Variants in PLPP1 observed in about 807,000 individuals in gnomAD.
The protein encoded by PLPP1 is phospholipid phosphatase 1, also known as lipid phosphate phosphohydrolase 1a.
A neutral mutation model predicts 31.2 loss-of-function variants in PLPP1; 24 were observed. That is an observed-to-expected ratio of 0.77 (90% confidence interval 0.56 to 1.08). PLPP1 has a LOEUF of 1.08. Ranked by LOEUF, PLPP1 falls within the 50% of genes least tolerant of loss-of-function variation. The pLI is 0.00. For synonymous variants in PLPP1, 146 were observed against 126.3 expected, an observed-to-expected ratio of 1.16 and a Z score of -1.05; for missense variants, 319 against 342.7, an observed-to-expected ratio of 0.93 and a Z score of 0.55.
chr5:55,434,984 T>C (rs974928544), intron 4 of PLPP1, among the ~76,000 whole-genome samples: 4 of 152,152 alleles, frequency 2.6e-5, no homozygotes, highest in Non-Finnish European at 5.9e-5. Flanking sequence ...GGAGAAAATA[T>C]TTGCCAAGTA....
At chr5:55,514,303 T>C (rs940674227) in intron 1 of PLPP1, among the ~76,000 whole-genome samples, 8 of 152,080 alleles carry the variant, frequency 5.3e-5, no homozygotes, top group East Asian at 1.9e-4. Flanking sequence ...GAGGATCAAA[T>C]TGAGCCCTGG....
intron 1 of PLPP1, among the ~76,000 whole-genome samples, chr5:55,511,803 G>A (rs1753419293): frequency 6.6e-6 from 1 of 150,866 alleles, no homozygotes; most frequent in Non-Finnish European, 1.5e-5. Context: ...AGCTGGGACT[G>A]CAGGCGCCGG....
At chr5:55,444,590 T>G (rs1751708024) in intron 3 of PLPP1, among the ~76,000 whole-genome samples, 1 of 152,160 alleles carries the variant, frequency 6.6e-6, no homozygotes, top group African/African-American at 2.4e-5. Flanking sequence ...TACGAAAATC[T>G]TCTCAGGAAG....
chr5:55,519,451 A>T (rs1753617611), intron 1 of PLPP1, among the ~76,000 whole-genome samples: 1 of 152,196 alleles, frequency 6.6e-6, no homozygotes, highest in African/African-American at 2.4e-5. Context: ...TTTTTTAAAA[A>T]TTTTAAGAAA....
intron 1 of PLPP1, among the ~76,000 whole-genome samples, chr5:55,483,189 A>C (rs1752705228): frequency 6.6e-6 from 1 of 152,178 alleles, no homozygotes; most frequent in African/African-American, 2.4e-5. Flanking sequence ...ATTTCTTAAA[A>C]AGTCGTATTT....
At chr5:55,452,623 G>A (rs1373327794) in intron 3 of PLPP1, among the ~76,000 whole-genome samples, 1 of 151,954 alleles carries the variant, frequency 6.6e-6, no homozygotes, top group African/African-American at 2.4e-5. Flanking sequence ...ACCTCTCTTT[G>A]GTAATTATTA....
At chr5:55,425,766 T>G in intron 5 of PLPP1, 97 bp downstream of exon 5, 1 of 1,195,408 alleles carries the variant, frequency 8.4e-7, no homozygotes, top group Non-Finnish European at 1.2e-6. Context: ...CTGCATAGTC[T>G]TCTCCTCAGC....
chr5:55,467,749 T>C (rs1752335377), intron 3 of PLPP1, 120 bp downstream of exon 3: 5 of 1,097,382 alleles, frequency 4.6e-6, no homozygotes, highest in Non-Finnish European at 6.5e-6. Flanking sequence ...AGATCAAAAT[T>C]CACCTCCCAG....
In PLPP1 at chr5:55,463,058, C is replaced by T. The variant is rs138484352; in HGVS notation, c.491+4811G>A. ...CAGGGACACGCATGAAGCTGGAAAC[C>T]ATCATTCTCAGCAAACTAACACAGG... On this transcript the variant is annotated intron_variant, in intron 3 of 5. Transcript: ENST00000307259. Among the ~76,000 whole-genome samples, 1,092 of 152,148 alleles carry T rather than the reference C, an allele frequency of 7.2e-3. 4 individuals are homozygous for T. The highest frequency in any genetic ancestry group is 0.011 in the Non-Finnish European group (752 of 67,992).
chr5:55,425,091 G>T lies in PLPP1; in HGVS notation c.*115C>A. Reference sequence around the variant, plus strand: ...AAGTGTGCATCCAAGAGGCATAGCAGCAGCAGAAGTCTTTAAAGGCTTGTA... The same window carrying T: ...AAGTGTGCATCCAAGAGGCATAGCATCAGCAGAAGTCTTTAAAGGCTTGTA... On this transcript the variant is annotated 3_prime_UTR_variant, in exon 6 of 6. Coordinates refer to ENST00000307259, the MANE Select transcript of PLPP1 (RefSeq NM_003711.4). 1 of 1,338,586 alleles carries T rather than the reference G, an allele frequency of 7.5e-7. No homozygotes were observed. 82.9% of individuals were successfully genotyped at this position (1,338,586 alleles called of 1,614,324 possible).
At chr5:55,438,358 T>C (rs1419126747) in intron 4 of PLPP1, among the ~76,000 whole-genome samples, 1 of 152,194 alleles carries the variant, frequency 6.6e-6, no homozygotes, top group Non-Finnish European at 1.5e-5. Flanking sequence ...CACAGTTAAG[T>C]GTGCAGGGCT....
At chr5:55,445,765 A>G (rs929153967) in intron 3 of PLPP1, among the ~76,000 whole-genome samples, 1 of 151,762 alleles carries the variant, frequency 6.6e-6, no homozygotes, top group Admixed American at 6.6e-5. Flanking sequence ...GGCTGGCCTC[A>G]AACTCCTGAC....
chr5:55,462,624 T>C (rs1463483867), intron 3 of PLPP1, among the ~76,000 whole-genome samples: 1 of 152,290 alleles, frequency 6.6e-6, no homozygotes, highest in South Asian at 2.1e-4. Flanking sequence ...AAAAAAATGA[T>C]AAATTAGATT....
At chr5:55,449,207 C>A (rs1398249823) in intron 3 of PLPP1, among the ~76,000 whole-genome samples, 1 of 152,022 alleles carries the variant, frequency 6.6e-6, no homozygotes, top group Non-Finnish European at 1.5e-5. Flanking sequence ...ATTTCACATT[C>A]AATATAAAAA....
intron 1 of PLPP1, among the ~76,000 whole-genome samples, chr5:55,497,921 T>A (rs188415289): frequency 6.6e-6 from 1 of 152,048 alleles, no homozygotes; most frequent in Non-Finnish European, 1.5e-5. Context: ...CTGCCAGTGC[T>A]ATCCATTGTC....
intron 1 of PLPP1, among the ~76,000 whole-genome samples, chr5:55,521,662 T>G (rs1159892253): frequency 2.0e-5 from 3 of 152,200 alleles, no homozygotes; most frequent in Admixed American, 6.5e-5. Context: ...TCAATAACAT[T>G]ATACAGTTTT....
chr5:55,509,138 A>G (rs1172947357), intron 1 of PLPP1, among the ~76,000 whole-genome samples: 5 of 152,262 alleles, frequency 3.3e-5, no homozygotes, highest in Admixed American at 2.0e-4. Flanking sequence ...GCAAAACTAC[A>G]GCATGAAGGT....
At chr5:55,512,233 G>A (rs1456774802) in intron 1 of PLPP1, among the ~76,000 whole-genome samples, 2 of 151,976 alleles carry the variant, frequency 1.3e-5, no homozygotes, top group Non-Finnish European at 2.9e-5. Context: ...CAATTTGGGA[G>A]GCTGAGGTGG....
chr5:55,484,861 A>G (rs1382235288), intron 1 of PLPP1: 1 of 152,230 alleles, frequency 6.6e-6, no homozygotes, highest in East Asian at 1.9e-4. Flanking sequence ...TCAATCAATC[A>G]TGACTACATA....
Sources: gnomAD v4.1 joint callset for allele counts (sites outside exome capture counted in the v4.1 genomes callset) on GRCh38, gnomAD v4.1.1 for gene constraint, MANE v1.5 for transcripts, NCBI Gene and HGNC (gene_info 2026-07-23, HGNC 2026-07-21) for gene names.